COL26A1: variants seen among roughly 807,000 people sequenced by gnomAD.
COL26A1 encodes collagen type XXVI alpha 1 chain, also known as collagen alpha-1(XXVI) chain.
Under a neutral mutation model 59.3 loss-of-function variants are expected in COL26A1, and 41 were observed. That is an observed-to-expected ratio of 0.69 (90% CI 0.54 to 0.90). The LOEUF (loss-of-function observed/expected upper bound fraction) is 0.90, where lower values mean the gene tolerates loss of function less well. Ranked by LOEUF, COL26A1 falls within the 40% of genes least tolerant of loss-of-function variation. COL26A1 has a pLI of 0.00. For missense variants in COL26A1, 612 were observed against 602.3 expected (o/e 1.02, Z -0.17); for synonymous variants, 266 against 256.0 (o/e 1.04, Z -0.37).
chr7:101,432,431 G>A (rs976351101), intron 2 of COL26A1, among the ~76,000 whole-genome samples: 1 of 152,146 alleles, frequency 6.6e-6, no homozygotes, highest in African/African-American at 2.4e-5. Flanking sequence ...GTCCCTTAAT[G>A]GCAGGGAGCA....
intron 3 of COL26A1, among the ~76,000 whole-genome samples, chr7:101,461,496 C>T (rs528551575): frequency 2.0e-5 from 3 of 152,158 alleles, no homozygotes; most frequent in African/African-American, 7.2e-5. Context: ...TGGGGATTCG[C>T]CATGTTGGTC....
chr7:101,473,919 T>C (rs151296991), intron 3 of COL26A1, among the ~76,000 whole-genome samples: 1 of 152,150 alleles, frequency 6.6e-6, no homozygotes, highest in African/African-American at 2.4e-5. Flanking sequence ...TGCCCATCAA[T>C]GAAATGGGAA....
intron 1 of COL26A1, among the ~76,000 whole-genome samples, chr7:101,363,533 C>T (rs1378581056): frequency 2.3e-5 from 2 of 87,120 alleles, no homozygotes; most frequent in Non-Finnish European, 4.6e-5. Context: ...GGGGCTGGGG[C>T]GCGGGGCGGC....
chr7:101,529,362 G>A (rs960863959), intron 3 of COL26A1, among the ~76,000 whole-genome samples: 2 of 151,950 alleles, frequency 1.3e-5, no homozygotes, highest in South Asian at 2.1e-4. Flanking sequence ...TCTGCCTCCC[G>A]GGTTCAAGCG....
intron 3 of COL26A1, among the ~76,000 whole-genome samples, chr7:101,465,315 CAGATG>C (rs1489145922): frequency 6.6e-6 from 1 of 152,180 alleles, no homozygotes; most frequent in African/African-American, 2.4e-5. Flanking sequence ...GCTGGCATTG[CAGATG>C]TGAGCCACCA....
chr7:101,456,071 T>C (rs1422246921), intron 3 of COL26A1, among the ~76,000 whole-genome samples: 1 of 152,070 alleles, frequency 6.6e-6, no homozygotes, highest in East Asian at 1.9e-4. Context: ...TGAGTGGTTG[T>C]AGAACTTGAG....
intron 3 of COL26A1, among the ~76,000 whole-genome samples, chr7:101,476,599 G>A (rs1384342015): frequency 6.6e-6 from 1 of 151,276 alleles, no homozygotes; most frequent in Non-Finnish European, 1.5e-5. Context: ...CCAGGCTGGA[G>A]TGCAGTGGCA....
chr7:101,413,700 C>A (rs908092526), intron 1 of COL26A1, among the ~76,000 whole-genome samples: 25 of 152,144 alleles, frequency 1.6e-4, no homozygotes, highest in Non-Finnish European at 3.1e-4. Context: ...GAGGAAGGAA[C>A]ATTGCTGAGA....
intron 3 of COL26A1, among the ~76,000 whole-genome samples, chr7:101,471,578 T>G (rs1166465290): frequency 2.0e-4 from 18 of 89,474 alleles, no homozygotes; most frequent in African/African-American, 4.8e-4. Flanking sequence ...TTTGTTTTTT[T>G]TTTTTTTTTT....
intron 1 of COL26A1, among the ~76,000 whole-genome samples, chr7:101,414,022 G>A (rs1584386480): frequency 1.3e-5 from 2 of 152,286 alleles, no homozygotes; most frequent in African/African-American, 4.8e-5. Flanking sequence ...AAAACACTCA[G>A]GACGCAGGGA....
intron 5 of COL26A1, among the ~76,000 whole-genome samples, chr7:101,543,042 C>A (rs1322293501): frequency 6.6e-6 from 1 of 152,276 alleles, no homozygotes; most frequent in East Asian, 1.9e-4. Flanking sequence ...AACCTGGATT[C>A]CAGAGCGCAG....
intron 8 of COL26A1, among the ~76,000 whole-genome samples, chr7:101,548,051 GGGA>G (rs1200483983): frequency 1.3e-5 from 2 of 152,190 alleles, no homozygotes; most frequent in African/African-American, 4.8e-5. Context: ...GGGCGTGGCG[GGGA>G]GGCGCCGTCA....
At chr7:101,510,900 T>TCC (rs1794907803) in intron 3 of COL26A1, among the ~76,000 whole-genome samples, 1 of 122,530 alleles carries the variant, frequency 8.2e-6, no homozygotes, top group African/African-American at 3.8e-5. Flanking sequence ...CTTTCTTTCT[T>TCC]TTTTTTTTTT....
At position 101,555,794 on chromosome 7, in the gene COL26A1, G is replaced by T; in HGVS notation, c.1088G>T (p.Gly363Val). ...CTGTTTCCTCCCCGCCAGGGCGAGG[G>T]GGTGCAGCAGCTGAGAGAGGCCCTG... ...GEKAATAEGE[G>V]VQQLREALKI... The change falls in exon 12 of 13, where the codon GGG becomes GTG. Residue 363 changes from glycine to valine, a missense_variant. Physicochemically the swap from Gly to Val is moderately radical, Grantham distance 109. Coordinates refer to ENST00000313669, the MANE Select transcript of COL26A1 (RefSeq NM_001278563.3). 6.2e-7 allele frequency: 1 copy of T among 1,609,894 alleles called. No homozygotes were observed.
At chr7:101,405,642 C>T (rs1379631515) in intron 1 of COL26A1, among the ~76,000 whole-genome samples, 1 of 152,186 alleles carries the variant, frequency 6.6e-6, no homozygotes, top group African/African-American at 2.4e-5. Flanking sequence ...GGTCCTCCCT[C>T]ACATGATCCT....
intron 3 of COL26A1, among the ~76,000 whole-genome samples, chr7:101,470,842 C>A (rs1171035092): frequency 6.6e-6 from 1 of 151,976 alleles, no homozygotes; most frequent in Non-Finnish European, 1.5e-5. Context: ...CTGAAAGTTC[C>A]CACCCTCTAG....
chr7:101,489,685 C>CTTTCTT (rs1794360814), intron 3 of COL26A1, among the ~76,000 whole-genome samples: 1 of 17,208 alleles, frequency 5.8e-5, no homozygotes, highest in African/African-American at 7.4e-4. Flanking sequence ...TCCTTCCTTT[C>CTTTCTT]TTTCTTTCTT....
chr7:101,541,636 G>A (rs535312629), intron 5 of COL26A1, among the ~76,000 whole-genome samples: 1 of 152,134 alleles, frequency 6.6e-6, no homozygotes, highest in Non-Finnish European at 1.5e-5. Context: ...ACAGGTGTGA[G>A]CCACCATGCT....
chr7:101,499,448 C>T (rs566449885), intron 3 of COL26A1, among the ~76,000 whole-genome samples: 42 of 152,190 alleles, frequency 2.8e-4, no homozygotes, highest in Non-Finnish European at 5.1e-4. Flanking sequence ...TTTGGGAGGC[C>T]GAGGTGGGTG....
Sources: allele counts gnomAD v4.1 joint callset (sites outside exome capture counted in the v4.1 genomes callset), GRCh38; gene constraint gnomAD v4.1.1; transcripts MANE v1.5; gene names NCBI Gene and HGNC (gene_info 2026-07-23, HGNC 2026-07-21).